VPS35L: variants seen among roughly 807,000 people sequenced by gnomAD.
The protein encoded by VPS35L is VPS35 endosomal protein sorting factor like, also known as VPS35 endosomal protein-sorting factor-like.
A neutral mutation model predicts 133.0 loss-of-function variants in VPS35L; 83 were observed. The ratio of observed to expected loss-of-function variants is 0.62; its 90% CI spans 0.52 to 0.75. The LOEUF is 0.75. Among genes scored for constraint, VPS35L ranks in the 30% least tolerant of loss-of-function variants. VPS35L has a pLI of 0.00. For synonymous variants in VPS35L, 423 were observed against 449.9 expected (o/e 0.94, Z 0.76); for missense variants, 1,083 against 1,206.8 (o/e 0.90, Z 1.52).
chr16:19,682,135 G>A, intron 27 of VPS35L, 90 bp from the exon 28 acceptor site: 15 of 1,403,620 alleles, frequency 1.1e-5, no homozygotes, highest in Non-Finnish European at 1.5e-5. Flanking sequence ...TACAGCTGCT[G>A]CGGGAGGATC....
In VPS35L at chr16:19,650,882, G is replaced by C. The variant is rs376935011; in HGVS notation, c.2106+423G>C. Among the ~76,000 whole-genome samples the C allele has an allele frequency of 5.9e-5, 9 of 152,006 alleles. No homozygotes were observed. In the East Asian group the frequency reaches 1.7e-3, roughly 29 times the overall value. ...CTAGATAATAATGATGCCCAACTTTGTTTTTGTTTTTCTTGAGACGGAGTC... is the reference window on the plus strand; with the variant it reads ...CTAGATAATAATGATGCCCAACTTTCTTTTTGTTTTTCTTGAGACGGAGTC... On this transcript the variant is annotated intron_variant, in intron 25 of 30. Transcript: ENST00000417362.
intron 8 of VPS35L, among the ~76,000 whole-genome samples, chr16:19,596,944 A>G (rs971077444): frequency 6.6e-6 from 1 of 152,028 alleles, no homozygotes; most frequent in Non-Finnish European, 1.5e-5. Context: ...GCTTGAACCC[A>G]GGAGGCAGAG....
Position 19,700,393 on chromosome 16 carries a change from T to G in VPS35L, c.2809T>G (p.Tyr937Asp). The G allele has an allele frequency of 6.2e-7, 1 of 1,613,992 alleles. No individual in the cohort carries two copies. The highest frequency in any genetic ancestry group is 8.5e-7 in the Non-Finnish European group (1 of 1,179,896). The change falls in exon 31 of 31, where the codon TAC (tyrosine) becomes GAC (aspartate). Residue 937 changes from tyrosine (Y) to aspartate (D), a missense_variant. By Grantham distance (160) the Tyr-to-Asp change is radical. Coordinates refer to ENST00000417362, the MANE Select transcript of VPS35L (RefSeq NM_020314.7). ...DTRTMVKTLE[Y>D]IKKQSKQPDM... ...TTCCTCATAGGTGAAAACGCTAGAA[T>G]ACATCAAGAAGCAAAGCAAACAACC...
intron 27 of VPS35L, among the ~76,000 whole-genome samples, chr16:19,675,652 T>C (rs1044386194): frequency 6.6e-6 from 1 of 152,102 alleles, no homozygotes; most frequent in African/African-American, 2.4e-5. Flanking sequence ...CCAGTTCAAG[T>C]GATTTTCCTG....
intron 28 of VPS35L, among the ~76,000 whole-genome samples, chr16:19,683,097 T>C: frequency 6.6e-6 from 1 of 152,150 alleles, no homozygotes; most frequent in South Asian, 2.1e-4. Context: ...GATAATTTTT[T>C]AAATTTTTTT....
intron 1 of VPS35L, among the ~76,000 whole-genome samples, chr16:19,563,365 T>A (rs139330455): frequency 3.9e-4 from 59 of 152,198 alleles, no homozygotes; most frequent in African/African-American, 1.4e-3. Context: ...CTATAAATTT[T>A]ACTATGAAGG....
chr16:19,618,123 A>T (rs1972957711), intron 14 of VPS35L: 1 of 150,696 alleles, frequency 6.6e-6, no homozygotes, highest in South Asian at 2.1e-4. Flanking sequence ...TGATAGATGA[A>T]GCTTTCCTTG....
intron 16 of VPS35L, 52 bp from the exon 17 acceptor site, chr16:19,628,585 A>C: frequency 1.0e-6 from 1 of 988,182 alleles, no homozygotes; most frequent in Non-Finnish European, 1.5e-6. Flanking sequence ...TTGAGCTTCA[A>C]GTTAATTTGA....
At chr16:19,630,819 A>G (rs923979935) in intron 18 of VPS35L, among the ~76,000 whole-genome samples, 4 of 151,910 alleles carry the variant, frequency 2.6e-5, no homozygotes, top group African/African-American at 9.7e-5. Flanking sequence ...AGCCTGGCCA[A>G]CGTGGTAAAA....
chr16:19,566,159 G>A (rs1172728200), intron 2 of VPS35L, among the ~76,000 whole-genome samples: 1 of 152,104 alleles, frequency 6.6e-6, no homozygotes, highest in Non-Finnish European at 1.5e-5. Context: ...CCTCAGCACA[G>A]CCACAGTTGC....
intron 7 of VPS35L, among the ~76,000 whole-genome samples, chr16:19,585,005 AT>A (rs1971820347): frequency 6.6e-6 from 1 of 152,036 alleles, no homozygotes; most frequent in Non-Finnish European, 1.5e-5. Context: ...TCTTTTGTCC[AT>A]TTTTTAATTG....
At chr16:19,564,167 C>T (rs180747982) in intron 1 of VPS35L, among the ~76,000 whole-genome samples, 48 of 152,210 alleles carry the variant, frequency 3.2e-4, no homozygotes, top group African/African-American at 1.1e-3. Context: ...CAACCTCCGC[C>T]TCCTGGTTGA....
intron 7 of VPS35L, among the ~76,000 whole-genome samples, chr16:19,586,657 G>T (rs1421961941): frequency 1.3e-5 from 2 of 152,076 alleles, no homozygotes; most frequent in African/African-American, 4.8e-5. Flanking sequence ...TTTACTTTCA[G>T]CTCCATTCTC....
rs572904831 is a variant in VPS35L, at chr16:19,594,107, T to C, written c.724+2233T>C. ...TCTTATTGGCCTGGCTTGGATCACA[T>C]GTCAGTCCCTGAGCCAGTTGTGTTA... On this transcript the variant is annotated intron_variant, in intron 8 of 30. Transcript: ENST00000417362. Among the ~76,000 whole-genome samples, 44 of 152,248 alleles carry C rather than the reference T, an allele frequency of 2.9e-4. 2 individuals carry two copies. In the South Asian group the frequency reaches 9.1e-3, roughly 32 times the overall value.
intron 27 of VPS35L, among the ~76,000 whole-genome samples, chr16:19,674,437 C>T (rs970229666): frequency 6.6e-6 from 1 of 151,906 alleles, no homozygotes; most frequent in African/African-American, 2.4e-5. Flanking sequence ...CTCAAGTGAT[C>T]TGCCTGCCTT....
intron 1 of VPS35L, among the ~76,000 whole-genome samples, chr16:19,561,652 T>G (rs1971032938): frequency 6.6e-6 from 1 of 152,068 alleles, no homozygotes; most frequent in Non-Finnish European, 1.5e-5. Flanking sequence ...GGGGGATGAA[T>G]TTAAGGGACT....
At chr16:19,674,184 C>CTTTCTTTTTTTTTT (rs764022611) in intron 27 of VPS35L, among the ~76,000 whole-genome samples, 19 of 70,914 alleles carry the variant, frequency 2.7e-4, no homozygotes, top group African/African-American at 1.2e-3. Flanking sequence ...TTTTCTTTTT[C>CTTTCTTTTTTTTTT]TTTTTTTTTT....
At chr16:19,583,760 A>G (rs185357325) in intron 7 of VPS35L, among the ~76,000 whole-genome samples, 4 of 152,048 alleles carry the variant, frequency 2.6e-5, no homozygotes, top group East Asian at 3.9e-4. Context: ...GAAAATACAC[A>G]ATAAATTTTG....
rs531681822 is a variant in VPS35L, at chr16:19,583,641, G to A, written c.639+1988G>A. Reference sequence around the variant, plus strand: ...GGAGGCTGAGGCACGAGAATTGCGTGAACATGGGAGGTGGAGGTTGCAGTG... The same window carrying A: ...GGAGGCTGAGGCACGAGAATTGCGTAAACATGGGAGGTGGAGGTTGCAGTG... On this transcript the variant is annotated intron_variant, in intron 7 of 30. Coordinates refer to ENST00000417362, the MANE Select transcript of VPS35L (RefSeq NM_020314.7). Among the ~76,000 whole-genome samples, 6 of 151,588 alleles carry A rather than the reference G, an allele frequency of 4.0e-5. No homozygotes were observed. In the East Asian group the frequency reaches 1.2e-3, roughly 29 times the overall value.
Sources: gnomAD v4.1 joint callset for allele counts (sites outside exome capture counted in the v4.1 genomes callset) on GRCh38, gnomAD v4.1.1 for gene constraint, MANE v1.5 for transcripts, NCBI Gene and HGNC (gene_info 2026-07-23, HGNC 2026-07-21) for gene names.